Variants in MARK4 observed in about 807,000 individuals in gnomAD.
MARK4 encodes MAP/microtubule affinity-regulating kinase 4.
In MARK4, 19 loss-of-function variants were observed where a neutral mutation model predicts 81.5. The ratio of observed to expected loss-of-function variants is 0.23; its 90% CI spans 0.16 to 0.34. The LOEUF is 0.34. MARK4 is among the 10% of genes least tolerant of loss of function. MARK4 has a pLI of 1.00. For synonymous variants in MARK4, 436 were observed against 439.0 expected, an observed-to-expected ratio of 0.99 and a Z score of 0.08; for missense variants, 772 against 1,058.8, an observed-to-expected ratio of 0.73 and a Z score of 3.76.
In MARK4 at chr19:45,280,728, G is replaced by A. The variant is rs1441157638; in HGVS notation, c.1270G>A (p.Asp424Asn). Residue 424 changes from aspartate to asparagine, a missense_variant, in exon 12 of 17, where the codon GAT (aspartate) becomes AAT (asparagine). Around this residue, in one of 3 missense-constraint regions of MARK4, gnomAD observed 548 missense variants for 624.3 expected, o/e 0.88. Transcript: ENST00000262891. ...CTACCACCGCCAGCGCAGGCATAGC[G>A]ATTTCTGTGAGTATCAACCCCACGC... The part of the protein sequence containing the change: ...STYHRQRRHS[D>N]FCGPSPAPLH... 3.7e-6 allele frequency: 6 copies of A among 1,613,960 alleles called. No individual in the cohort carries two copies. Among genetic ancestry groups the A allele is most frequent in the Non-Finnish European group, 5.1e-6 (6 of 1,179,990 alleles).
At chr19:45,280,515 G>C (rs199663925) in intron 11 of MARK4, 32 bp downstream of exon 11, 8 of 1,613,948 alleles carry the variant, frequency 5.0e-6, no homozygotes, top group Non-Finnish European at 6.8e-6. Flanking sequence ...TTGGGGACGC[G>C]TGATGCCTGG....
chr19:45,252,026 C>A (rs569833947), intron 1 of MARK4, among the ~76,000 whole-genome samples: 3 of 151,982 alleles, frequency 2.0e-5, no homozygotes, highest in African/African-American at 7.3e-5. Context: ...CCCTGACCCC[C>A]CAAGGCCCGG....
At chr19:45,289,194 C>G (rs1175623224) in intron 13 of MARK4, among the ~76,000 whole-genome samples, 4 of 152,090 alleles carry the variant, frequency 2.6e-5, no homozygotes, top group African/African-American at 9.6e-5. Flanking sequence ...TCGAGACCAC[C>G]TGGCCAACAT....
At position 45,272,518 on chromosome 19, in the gene MARK4, TG is replaced by T. The variant is rs142041422; in HGVS notation, c.786+817del. On this transcript the variant is annotated intron_variant, in intron 8 of 16. Coordinates refer to ENST00000262891, the MANE Select transcript of MARK4 (RefSeq NM_001199867.2). ...AAGTGGATTACTGGTTGCCTGAGGC[TG>T]GGGGGGAGGAGCAAGTTGGAGGTTG... Among the ~76,000 whole-genome samples the T allele has an allele frequency of 7.2e-4, 109 of 152,014 alleles. No homozygotes were observed. The Middle Eastern group carries it at 0.014, about 19-fold the overall frequency.
At chr19:45,291,558 G>A (rs571399680) in intron 13 of MARK4, among the ~76,000 whole-genome samples, 3 of 152,294 alleles carry the variant, frequency 2.0e-5, no homozygotes, top group South Asian at 2.1e-4. Context: ...TGAGGCGGGC[G>A]GATCACGAGG....
At chr19:45,251,723 G>T in intron 1 of MARK4, 84 bp downstream of exon 1, 1 of 1,305,466 alleles carries the variant, frequency 7.7e-7, no homozygotes, top group Non-Finnish European at 1.0e-6. Flanking sequence ...CGCCCCGCGA[G>T]CCCCTACCCT....
intron 8 of MARK4, among the ~76,000 whole-genome samples, chr19:45,274,356 C>A (rs1568495465): frequency 6.6e-6 from 1 of 152,098 alleles, no homozygotes; most frequent in Non-Finnish European, 1.5e-5. Flanking sequence ...TCTGGCCGGG[C>A]ACGGTGGCTC....
intron 12 of MARK4, among the ~76,000 whole-genome samples, chr19:45,284,947 C>T (rs555143830): frequency 3.9e-5 from 6 of 152,106 alleles, no homozygotes; most frequent in African/African-American, 1.4e-4. Flanking sequence ...CAAAATTAGC[C>T]GGGTGTGGTG....
intron 7 of MARK4, among the ~76,000 whole-genome samples, chr19:45,267,483 A>G (rs1215164246): frequency 1.6e-4 from 24 of 152,168 alleles, no homozygotes; most frequent in Admixed American, 1.6e-3. Context: ...CTGTGGCCCC[A>G]GGGTCCGCAT....
chr19:45,298,331 G>T, intron 15 of MARK4: 2 of 433,200 alleles, frequency 4.6e-6, no homozygotes, highest in Admixed American at 3.2e-5. Flanking sequence ...GGGTCTGTGC[G>T]TGGGGTCTGG....
intron 12 of MARK4, among the ~76,000 whole-genome samples, chr19:45,281,408 T>C (rs1349545898): frequency 6.8e-6 from 1 of 146,432 alleles, no homozygotes; most frequent in African/African-American, 2.6e-5. Context: ...TATCCCAGGC[T>C]GGAGTGCAGT....
intron 12 of MARK4, among the ~76,000 whole-genome samples, chr19:45,283,147 T>C (rs1970697925): frequency 6.6e-6 from 1 of 152,058 alleles, no homozygotes; most frequent in Admixed American, 6.6e-5. Context: ...TGGTGGCTCA[T>C]GCCCGTAATC....
chr19:45,291,413 G>A (rs993768796), intron 13 of MARK4, among the ~76,000 whole-genome samples: 5 of 152,304 alleles, frequency 3.3e-5, no homozygotes, highest in South Asian at 2.1e-4. Context: ...TTGGGAGGCC[G>A]AGGCGGTGAA....
At position 45,271,417 on chromosome 19, in the gene MARK4, A is replaced by G. The variant is rs983188148; in HGVS notation, c.550-55A>G. 3 of 1,564,106 alleles carry G rather than the reference A, an allele frequency of 1.9e-6. No homozygotes were observed. The highest frequency in any genetic ancestry group is 1.7e-5 in the Admixed American group (1 of 58,828). ...GTGCTCCTGTCTGCCTCCCACGTCCATGAAAGGCTTTGGCCTTGAGTCCCA... is the reference window on the plus strand; with the variant it reads ...GTGCTCCTGTCTGCCTCCCACGTCCGTGAAAGGCTTTGGCCTTGAGTCCCA... On this transcript the variant is annotated intron_variant, in intron 7 of 16. Transcript: ENST00000262891. This position sits in a 1 kb window ranked among gnomAD's most constrained non-coding sequence, Gnocchi z 4.1.
chr19:45,290,302 A>G (rs1023620036), intron 13 of MARK4, among the ~76,000 whole-genome samples: 2 of 152,228 alleles, frequency 1.3e-5, no homozygotes, highest in African/African-American at 2.4e-5. Context: ...GGTCCTGACC[A>G]TCAGGAGGCA....
chr19:45,252,081 C>T lies in MARK4; in HGVS notation c.51+442C>T, dbSNP rs571630194. ...GCCTGGCCCAGTCCTGCCTCTGGCTCCGGCCTTCCCTGTCTGGGGCTGGGT... is the reference window on the plus strand; with the variant it reads ...GCCTGGCCCAGTCCTGCCTCTGGCTTCGGCCTTCCCTGTCTGGGGCTGGGT... On this transcript the variant is annotated intron_variant, in intron 1 of 16. Transcript: ENST00000262891. 2.4e-4 allele frequency among the ~76,000 whole-genome samples: 37 copies of T among 152,126 alleles called. No homozygotes were observed. The East Asian group carries it at 5.1e-3, about 21-fold the overall frequency.
In MARK4 at chr19:45,303,630, A is replaced by G. The variant is rs1971010160; in HGVS notation, c.*920A>G. ...CAGCCACCATGTTACACTGGACTCT[A>G]AGCCACTTCTTACTCCAGTAGTAAA... On this transcript the variant is annotated 3_prime_UTR_variant, in exon 17 of 17. Transcript: ENST00000262891. The G allele has an allele frequency of 6.6e-6, 1 of 152,142 alleles. No individual in the cohort carries two copies. Among genetic ancestry groups the G allele is most frequent in the African/African-American group, 2.4e-5 (1 of 41,406 alleles). The allele number at this position is 152,142 out of a possible 1,614,324, so 9.4% of individuals were successfully genotyped here.
In MARK4 at chr19:45,304,835, G is replaced by T. The variant is rs996305574; in HGVS notation, c.*2125G>T. On this transcript the variant is annotated 3_prime_UTR_variant, in exon 17 of 17. Coordinates refer to ENST00000262891, the MANE Select transcript of MARK4 (RefSeq NM_001199867.2). Reference sequence around the variant, plus strand: ...GGCACAGCAAATGGCACATACAAGGGCCAGGGAGCAAGAGAGAGGACAGGT... The same window carrying T: ...GGCACAGCAAATGGCACATACAAGGTCCAGGGAGCAAGAGAGAGGACAGGT... The T allele has an allele frequency of 6.6e-6, 1 of 152,346 alleles. No homozygotes were observed. The highest frequency in any genetic ancestry group is 1.5e-5 in the Non-Finnish European group (1 of 68,158). The allele number at this position is 152,346 out of a possible 1,614,324, so 9.4% of individuals were successfully genotyped here. A position where few individuals can be genotyped will look rare whatever the true frequency, so the allele number is the denominator to read the frequency against.
At chr19:45,301,598 C>T (rs1343822880) in intron 16 of MARK4, among the ~76,000 whole-genome samples, 29 of 138,856 alleles carry the variant, frequency 2.1e-4, no homozygotes, top group African/African-American at 7.6e-4. Flanking sequence ...CAGTGGCTCA[C>T]ACCTGTAATC....
Sources: allele counts gnomAD v4.1 joint callset (sites outside exome capture counted in the v4.1 genomes callset), GRCh38; gene constraint gnomAD v4.1.1; regional missense constraint gnomAD v4.1.1; non-coding constraint Gnocchi (gnomAD v3.1); transcripts MANE v1.5; gene names NCBI Gene and HGNC (gene_info 2026-07-23, HGNC 2026-07-21).